EDA: variants seen among roughly 807,000 people sequenced by gnomAD.
EDA encodes ectodysplasin A, also known as ectodysplasin-A.
Under a neutral mutation model 23.6 loss-of-function variants are expected in EDA, and 2 were observed. The ratio of observed to expected loss-of-function variants is 0.08; its 90% CI spans 0.03 to 0.27. The LOEUF is 0.27. EDA is among the 10% of genes least tolerant of loss of function. EDA has a pLI of 1.00. For missense variants in EDA, 229 were observed against 324.2 expected, an observed-to-expected ratio of 0.71 and a Z score of 2.26; for synonymous variants, 131 against 132.0, an observed-to-expected ratio of 0.99 and a Z score of 0.05.
At chrX:70,032,466 A>G (rs1007807812) in intron 6 of EDA, among the ~76,000 whole-genome samples, 3 of 111,196 alleles carry the variant, frequency 2.7e-5, no homozygotes, top group African/African-American at 9.8e-5. Context: ...AGATGGACTT[A>G]TAAAATATAA....
chrX:69,907,884 G>GA (rs959634007), intron 1 of EDA, among the ~76,000 whole-genome samples: 6 of 108,913 alleles, frequency 5.5e-5, no homozygotes, highest in Admixed American at 2.0e-4. Flanking sequence ...TAAGAGAAAA[G>GA]AAAAAAAAAT....
intron 2 of EDA, among the ~76,000 whole-genome samples, chrX:69,990,901 G>T (rs770376460): frequency 9.1e-6 from 1 of 110,403 alleles, no homozygotes; most frequent in African/African-American, 3.3e-5. Context: ...CTGTTCTTCA[G>T]ATTGAGTAAA....
At chrX:70,008,208 G>A (rs940082629) in intron 2 of EDA, among the ~76,000 whole-genome samples, 1 of 112,154 alleles carries the variant, frequency 8.9e-6, no homozygotes, top group Non-Finnish European at 1.9e-5. Context: ...TAAAGGGAAA[G>A]CATCTAGTTC....
At chrX:69,679,563 A>C (rs939031171) in intron 1 of EDA, among the ~76,000 whole-genome samples, 63 of 111,575 alleles carry the variant, frequency 5.6e-4, no homozygotes, top group African/African-American at 1.8e-3. Context: ...GTGTATGTGT[A>C]GAGGAATTTA....
At chrX:69,753,931 T>G (rs1200257765) in intron 1 of EDA, among the ~76,000 whole-genome samples, 1 of 110,484 alleles carries the variant, frequency 9.1e-6, no homozygotes. Context: ...TTGGTATATC[T>G]TCCTCCATCC....
chrX:69,660,516 G>A (rs1318636602), intron 1 of EDA, among the ~76,000 whole-genome samples: 9 of 92,071 alleles, frequency 9.8e-5, no homozygotes, highest in African/African-American at 2.0e-4. Flanking sequence ...AACAGGCCCC[G>A]GTGTGTGATG....
At chrX:69,825,567 C>A (rs1243159070) in intron 1 of EDA, among the ~76,000 whole-genome samples, 1 of 111,593 alleles carries the variant, frequency 9.0e-6, no homozygotes, top group African/African-American at 3.3e-5. Context: ...TTTTTTATTG[C>A]GTCTATTTGA....
chrX:69,866,943 G>A (rs1038089046), intron 1 of EDA, among the ~76,000 whole-genome samples: 33 of 112,374 alleles, frequency 2.9e-4, no homozygotes, highest in Non-Finnish European at 5.6e-4. Flanking sequence ...CAGAAGCATT[G>A]TGTGGAGGAT....
At chrX:69,781,423 GT>G (rs2014940134) in intron 1 of EDA, among the ~76,000 whole-genome samples, 1 of 111,647 alleles carries the variant, frequency 9.0e-6, no homozygotes, top group Non-Finnish European at 1.9e-5. Context: ...TGTAAATAAA[GT>G]TTTATTGGAA....
At chrX:69,617,999 A>G (rs1289216544) in intron 1 of EDA, among the ~76,000 whole-genome samples, 1 of 111,445 alleles carries the variant, frequency 9.0e-6, no homozygotes, top group Non-Finnish European at 1.9e-5. Flanking sequence ...TCCAATTTAT[A>G]TAACAGCTTA....
At chrX:69,776,257 A>G (rs1390990256) in intron 1 of EDA, among the ~76,000 whole-genome samples, 1 of 111,797 alleles carries the variant, frequency 8.9e-6, no homozygotes, top group East Asian at 2.8e-4. Context: ...ACTTTTTACA[A>G]ATTTTTGTAT....
intron 1 of EDA, among the ~76,000 whole-genome samples, chrX:69,756,054 A>G (rs1453158653): frequency 8.9e-6 from 1 of 111,850 alleles, no homozygotes; most frequent in East Asian, 2.8e-4. Flanking sequence ...GGCTGCACCC[A>G]CTGTCTGACA....
intron 1 of EDA, among the ~76,000 whole-genome samples, chrX:69,746,525 T>G (rs115228872): frequency 2.6e-3 from 285 of 111,356 alleles, no homozygotes; most frequent in African/African-American, 8.4e-3. Context: ...TCTGATTTTT[T>G]TTAGTCCACA....
At chrX:69,632,863 C>T (rs1569277650) in intron 1 of EDA, among the ~76,000 whole-genome samples, 1 of 111,959 alleles carries the variant, frequency 8.9e-6, no homozygotes, top group Non-Finnish European at 1.9e-5. Flanking sequence ...ATGGTCCTTT[C>T]TCTTAGTCAT....
intron 1 of EDA, among the ~76,000 whole-genome samples, chrX:69,638,826 G>A (rs1932806689): frequency 9.0e-6 from 1 of 111,282 alleles, no homozygotes; most frequent in Non-Finnish European, 1.9e-5. Context: ...CCGTTCAGTG[G>A]CATTACGTAC....
intron 1 of EDA, among the ~76,000 whole-genome samples, chrX:69,853,833 T>C (rs1040608300): frequency 1.8e-5 from 2 of 108,939 alleles, no homozygotes; most frequent in African/African-American, 6.5e-5. Context: ...CTTTGTTGCA[T>C]ACTCCTCTGT....
At chrX:69,762,064 T>A (rs940934653) in intron 1 of EDA, among the ~76,000 whole-genome samples, 2 of 111,927 alleles carry the variant, frequency 1.8e-5, no homozygotes, top group Non-Finnish European at 3.8e-5. Flanking sequence ...TTGAAAGTGC[T>A]GGATAAGTTA....
At chrX:69,874,893 CA>C (rs1443958248) in intron 1 of EDA, among the ~76,000 whole-genome samples, 1 of 111,348 alleles carries the variant, frequency 9.0e-6, no homozygotes, top group African/African-American at 3.3e-5. Flanking sequence ...ACAATAGCTG[CA>C]AAAAAATAAA....
intron 1 of EDA, among the ~76,000 whole-genome samples, chrX:69,664,923 CT>C (rs1332226741): frequency 1.8e-5 from 2 of 111,931 alleles, no homozygotes; most frequent in African/African-American, 6.5e-5. Context: ...ATCTACATCC[CT>C]ACCAGCAGTG....
Sources: gnomAD v4.1 joint callset for allele counts (sites outside exome capture counted in the v4.1 genomes callset) on GRCh38, gnomAD v4.1.1 for gene constraint, MANE v1.5 for transcripts, NCBI Gene and HGNC (gene_info 2026-07-23, HGNC 2026-07-21) for gene names.